The following UBE2E2 variants were observed in gnomAD, a reference collection of about 807,000 sequenced individuals.
UBE2E2 encodes ubiquitin-conjugating enzyme E2 E2.
In UBE2E2, 6 loss-of-function variants were observed where a neutral mutation model predicts 24.7. The observed-to-expected ratio is 0.24, with a 90% confidence interval of 0.13 to 0.48. The LOEUF (loss-of-function observed/expected upper bound fraction) is 0.48, where lower values mean the gene tolerates loss of function less well. UBE2E2 is among the 20% of genes least tolerant of loss of function. The probability of loss-of-function intolerance (pLI) is 0.99; values close to 1 mark genes in which losing one functional copy is unlikely to be tolerated. For missense variants in UBE2E2, 169 were observed against 245.0 expected (o/e 0.69, Z 2.07); for synonymous variants, 104 against 83.6 (o/e 1.24, Z -1.33).
At chr3:23,232,343 A>G (rs973552233) in intron 3 of UBE2E2, among the ~76,000 whole-genome samples, 1 of 152,254 alleles carries the variant, frequency 6.6e-6, no homozygotes, top group Non-Finnish European at 1.5e-5. Flanking sequence ...AGATTATTGC[A>G]TGTTGTTTCA....
At position 23,583,981 on chromosome 3, in the gene UBE2E2, C is replaced by T. The variant is rs1255970295; in HGVS notation, c.509-5753C>T. The stretch of plus-strand genomic sequence containing the variant: ...ACTAGGAGTAGTGAGAGAGGGCATC[C>T]TTGATTTGTTCTGGATTTCAAAAGG... On this transcript the variant is annotated intron_variant, in intron 5 of 5. Transcript: ENST00000396703. This position sits in a 1 kb window ranked among gnomAD's most constrained non-coding sequence, Gnocchi z 4.1. 1.3e-5 allele frequency among the ~76,000 whole-genome samples: 2 copies of T among 152,084 alleles called. No homozygotes were observed. The highest frequency in any genetic ancestry group is 4.8e-5 in the African/African-American group (2 of 41,410).
chr3:23,304,970 G>A (rs1307649278), intron 3 of UBE2E2, among the ~76,000 whole-genome samples: 1 of 152,060 alleles, frequency 6.6e-6, no homozygotes, highest in African/African-American at 2.4e-5. Flanking sequence ...CTCTCTGAAA[G>A]ATTATGCAGA....
At chr3:23,284,966 T>A (rs560500457) in intron 3 of UBE2E2, among the ~76,000 whole-genome samples, 159 of 146,920 alleles carry the variant, frequency 1.1e-3, no homozygotes, top group East Asian at 6.8e-3. Flanking sequence ...AAAAAAAATA[T>A]ATATATATAT....
rs189903630 is a variant in UBE2E2, at chr3:23,406,519, G to C, written c.228-93089G>C. On this transcript the variant is annotated intron_variant, in intron 3 of 5. Coordinates refer to ENST00000396703, the MANE Select transcript of UBE2E2 (RefSeq NM_152653.4). ...TTAGTAAGTAGTAGTTTTTAATATT[G>C]TTGTTATGTATCCGCTTGAAACTGT... 3.9e-4 allele frequency among the ~76,000 whole-genome samples: 59 copies of C among 152,238 alleles called. 1 individual carries two copies. The highest frequency in any genetic ancestry group is 2.4e-3 in the Admixed American group (37 of 15,284).
chr3:23,240,284 G>T (rs1697222693), intron 3 of UBE2E2, among the ~76,000 whole-genome samples: 1 of 152,090 alleles, frequency 6.6e-6, no homozygotes. Context: ...ATTGCTTACA[G>T]GGCTTAATTA....
chr3:23,484,364 T>C (rs1699317178), intron 3 of UBE2E2, among the ~76,000 whole-genome samples: 2 of 152,214 alleles, frequency 1.3e-5, no homozygotes, highest in African/African-American at 4.8e-5. Flanking sequence ...AATGTTTCTT[T>C]TTCTCAGGTC....
rs147627774 is a variant in UBE2E2, at chr3:23,509,677, G to A, written c.360+9937G>A. The stretch of plus-strand genomic sequence containing the variant: ...TGTGCCATGTTGGCGTGCTGCACCC[G>A]TTAACTCGTCCTTTACATTAGGTAT... On this transcript the variant is annotated intron_variant, in intron 4 of 5. Coordinates refer to ENST00000396703, the MANE Select transcript of UBE2E2 (RefSeq NM_152653.4). 6.9e-3 allele frequency among the ~76,000 whole-genome samples: 1,052 copies of A among 151,786 alleles called. 12 individuals carry two copies. The highest frequency in any genetic ancestry group is 0.024 in the African/African-American group (989 of 41,330).
chr3:23,499,596 G>A lies in UBE2E2; in HGVS notation c.228-12G>A. The A allele has an allele frequency of 3.7e-6, 6 of 1,606,072 alleles. No homozygotes were observed. Among genetic ancestry groups the A allele is most frequent in the Non-Finnish European group, 5.1e-6 (6 of 1,177,710 alleles). On this transcript the variant is annotated splice_polypyrimidine_tract_variant and intron_variant, in intron 3 of 5. Transcript: ENST00000396703. ...ATTTCTAAGCACATTTCATTTGTAT[G>A]TCTTATTTCAGTGCTGGACCCAAAG... is the stretch of plus-strand genomic sequence containing the variant.
chr3:23,303,492 G>C (rs533245892), intron 3 of UBE2E2, among the ~76,000 whole-genome samples: 1 of 152,090 alleles, frequency 6.6e-6, no homozygotes, highest in African/African-American at 2.4e-5. Context: ...TTCAGACAAG[G>C]AAGGATGTAC....
intron 4 of UBE2E2, among the ~76,000 whole-genome samples, chr3:23,517,168 TA>T (rs1694761634): frequency 6.6e-6 from 1 of 152,160 alleles, no homozygotes; most frequent in African/African-American, 2.4e-5. Context: ...TTGAACTGTT[TA>T]TTTGAAGTAG....
chr3:23,212,073 G>A (rs1696341682), intron 2 of UBE2E2, among the ~76,000 whole-genome samples: 1 of 152,190 alleles, frequency 6.6e-6, no homozygotes, highest in South Asian at 2.1e-4. Context: ...TATAATTGTA[G>A]AATTAATAAT....
chr3:23,338,567 AGGAACCAGAGTTCCTT>A (rs757741367), intron 3 of UBE2E2, among the ~76,000 whole-genome samples: 28 of 152,182 alleles, frequency 1.8e-4, no homozygotes, highest in Non-Finnish European at 3.1e-4. Flanking sequence ...CACCAATAAA[AGGAACCAGAGTTCCTT>A]GGAAAAACTG....
chr3:23,349,103 A>G (rs13073761), intron 3 of UBE2E2, among the ~76,000 whole-genome samples: 9,798 of 152,212 alleles, frequency 0.064, 469 homozygotes, highest in Non-Finnish European at 0.088. Context: ...TCTTGTGAAC[A>G]GAGAGATTGG....
chr3:23,225,233 A>G (rs1490569310), intron 3 of UBE2E2, among the ~76,000 whole-genome samples: 2 of 132,488 alleles, frequency 1.5e-5, no homozygotes, highest in Admixed American at 7.8e-5. Context: ...ATCTTCCTCC[A>G]TTCTGTGGAT....
At chr3:23,272,750 G>A (rs2088129) in intron 3 of UBE2E2, among the ~76,000 whole-genome samples, 111,726 of 152,028 alleles carry the variant, frequency 0.73, 41,430 homozygotes, top group African/African-American at 0.83. Flanking sequence ...ATATGGAGAC[G>A]GCAAGCTGGA....
Position 23,446,619 on chromosome 3 carries a change from T to A in UBE2E2, c.228-52989T>A, listed in dbSNP as rs117247153. Among the ~76,000 whole-genome samples the A allele has an allele frequency of 5.3e-5, 8 of 152,034 alleles. No homozygotes were observed. The East Asian group carries it at 1.5e-3, about 29-fold the overall frequency. On this transcript the variant is annotated intron_variant, in intron 3 of 5. Coordinates refer to ENST00000396703, the MANE Select transcript of UBE2E2 (RefSeq NM_152653.4). Reference sequence around the variant, plus strand: ...CCATATCAGTAGCTGAGTACCAAATTGATACCATATCTGGCATGCCAGTTA... The same window carrying A: ...CCATATCAGTAGCTGAGTACCAAATAGATACCATATCTGGCATGCCAGTTA...
intron 3 of UBE2E2, among the ~76,000 whole-genome samples, chr3:23,441,794 A>G (rs1190434868): frequency 6.6e-6 from 1 of 152,070 alleles, no homozygotes; most frequent in Non-Finnish European, 1.5e-5. Flanking sequence ...TGATATTATG[A>G]GCTAACTATT....
chr3:23,279,141 T>A (rs570600876), intron 3 of UBE2E2, among the ~76,000 whole-genome samples: 1 of 152,314 alleles, frequency 6.6e-6, no homozygotes, highest in Middle Eastern at 3.4e-3. Flanking sequence ...CAGTTGTCAC[T>A]GTTTATAATT....
intron 3 of UBE2E2, among the ~76,000 whole-genome samples, chr3:23,481,881 GTGTT>G (rs535428024): frequency 5.9e-5 from 9 of 152,138 alleles, no homozygotes; most frequent in Non-Finnish European, 1.3e-4. Context: ...TGTAAAATCT[GTGTT>G]TGTTTTGCTT....
Sources: gnomAD v4.1 joint callset for allele counts (sites outside exome capture counted in the v4.1 genomes callset) on GRCh38, gnomAD v4.1.1 for gene constraint, Gnocchi (gnomAD v3.1) non-coding constraint, MANE v1.5 for transcripts, NCBI Gene and HGNC (gene_info 2026-07-23, HGNC 2026-07-21) for gene names.